Variants in HUWE1 observed in about 807,000 individuals in gnomAD.
The protein encoded by HUWE1 is E3 ubiquitin-protein ligase HUWE1.
In HUWE1, 18 loss-of-function variants were observed where a neutral mutation model predicts 299.4. The observed-to-expected ratio is 0.06, with a 90% CI of 0.04 to 0.09. The LOEUF is 0.09. Among genes scored for constraint, HUWE1 ranks in the 10% least tolerant of loss-of-function variants. The probability of loss-of-function intolerance (pLI) is 1.00; values close to 1 mark genes in which losing one functional copy is unlikely to be tolerated. For missense variants in HUWE1, 1,832 were observed against 3,462.3 expected (o/e 0.53, Z 11.82); for synonymous variants, 1,317 against 1,286.1 (o/e 1.02, Z -0.51).
intron 45 of HUWE1, 27 bp downstream of exon 45, chrX:53,575,616 G>A (rs782323178): frequency 2.5e-6 from 3 of 1,199,647 alleles, no homozygotes; most frequent in Non-Finnish European, 3.4e-6. Context: ...TGAGAAGAAA[G>A]ATAAAACGCT....
intron 18 of HUWE1, among the ~76,000 whole-genome samples, 190 bp from the exon 19 acceptor site, chrX:53,624,865 G>A (rs1569497411): frequency 9.0e-6 from 1 of 111,558 alleles, no homozygotes; most frequent in Non-Finnish European, 1.9e-5. Flanking sequence ...TCTAACACGG[G>A]TTAAAAAAAG....
rs781783730 is a variant in HUWE1, at chrX:53,558,609, C to T, written c.8160+46G>A. The T allele has an allele frequency of 1.2e-5, 14 of 1,154,578 alleles. No homozygotes were observed. The East Asian group carries it at 2.7e-4, about 22-fold the overall frequency. ...CCATGTGTATGCCAAAACCACATTA[C>T]GGCAGACACAGTCAAAGATGAATCC... On this transcript the variant is annotated intron_variant, in intron 59 of 83. Coordinates refer to ENST00000262854, the MANE Select transcript of HUWE1 (RefSeq NM_031407.7).
In HUWE1 at chrX:53,533,900, A is replaced by T. The variant is rs899445885; in HGVS notation, c.13022+107T>A. On this transcript the variant is annotated intron_variant, in intron 83 of 83. Coordinates refer to ENST00000262854, the MANE Select transcript of HUWE1 (RefSeq NM_031407.7). ...CCAAATTGTGAGTTACCCAAGGTCC[A>T]GGACTCAGCCACATTTGTGTTCCCA... The T allele has an allele frequency of 5.5e-5, 42 of 766,293 alleles. No individual in the cohort carries two copies. The African/African-American group carries it at 8.2e-4, about 15-fold the overall frequency. The allele number at this position is 766,293 out of a possible 1,213,427, so 63.2% of individuals were successfully genotyped here.
chrX:53,660,316 C>CT (rs2068936271), intron 3 of HUWE1, among the ~76,000 whole-genome samples: 1 of 111,999 alleles, frequency 8.9e-6, no homozygotes, highest in South Asian at 3.7e-4. Context: ...GCGCTAGACT[C>CT]TAAGTCCCAA....
At chrX:53,568,628 T>TC in intron 49 of HUWE1, 64 bp downstream of exon 49, 1 of 1,074,306 alleles carries the variant, frequency 9.3e-7, no homozygotes, top group Non-Finnish European at 1.3e-6. Flanking sequence ...ACCAGCTACC[T>TC]CCACATCATT....
rs1556930302 is a variant in HUWE1 at position 53,552,682 on chromosome X, G to C, written c.8706C>G (p.Gly2902=). The C allele has an allele frequency of 8.3e-7, 1 of 1,211,953 alleles. No homozygotes were observed. Residue 2902 remains glycine, a synonymous_variant, in exon 62 of 84, where the codon GGC becomes GGG. Transcript: ENST00000262854. ...CAGATTCCCCTGACCCATCACTCCT[G>C]CCTTGCACTTCCGCCACAGCTGGTG... ...DAPPAVAEVQ[G]RSDGSGESAQ...
At chrX:53,535,994 T>C in intron 80 of HUWE1, 153 bp downstream of exon 80, 1 of 463,521 alleles carries the variant, frequency 2.2e-6, no homozygotes, top group Non-Finnish European at 3.9e-6. Context: ...TTCCTGTTTG[T>C]GATGTCACTC....
At chrX:53,626,810 G>T (rs2066537302) in intron 17 of HUWE1, among the ~76,000 whole-genome samples, 1 of 111,408 alleles carries the variant, frequency 9.0e-6, no homozygotes, top group Admixed American at 9.5e-5. Flanking sequence ...GGGACCACAG[G>T]TGCATGCCAC....
intron 80 of HUWE1, 166 bp downstream of exon 80, chrX:53,535,981 G>T: frequency 2.9e-6 from 1 of 348,265 alleles, no homozygotes; most frequent in Non-Finnish European, 5.1e-6. Context: ...GCAAATTCTG[G>T]TTTTCCTGTT....
chrX:53,614,038 G>A (rs1188390671), intron 23 of HUWE1, among the ~76,000 whole-genome samples: 3 of 111,834 alleles, frequency 2.7e-5, no homozygotes, highest in African/African-American at 9.8e-5. Flanking sequence ...GCCGAGGTGG[G>A]TAGATCACCT....
intron 73 of HUWE1, 177 bp downstream of exon 73, chrX:53,543,663 CA>C (rs2061441783): frequency 1.4e-6 from 1 of 715,557 alleles, no homozygotes; most frequent in Non-Finnish European, 2.0e-6. Flanking sequence ...ATCAAACCAA[CA>C]AACCAATCAA....
intron 77 of HUWE1, among the ~76,000 whole-genome samples, chrX:53,538,034 G>A (rs1556914726): frequency 8.9e-6 from 1 of 111,859 alleles, no homozygotes. Flanking sequence ...TGCTGTGTGT[G>A]TTCTATGGCC....
chrX:53,610,648 G>T (rs1313741413), intron 23 of HUWE1, among the ~76,000 whole-genome samples: 1 of 111,667 alleles, frequency 9.0e-6, no homozygotes, highest in Non-Finnish European at 1.9e-5. Flanking sequence ...TGTATATGGG[G>T]TTTTTTGGGA....
At chrX:53,618,496 A>G (rs1439498521) in intron 19 of HUWE1, among the ~76,000 whole-genome samples, 1 of 111,563 alleles carries the variant, frequency 9.0e-6, no homozygotes, top group Non-Finnish European at 1.9e-5. Context: ...GTATAGTTTA[A>G]TAAGAAAATG....
chrX:53,654,411 T>C (rs2068650549), intron 3 of HUWE1, among the ~76,000 whole-genome samples: 2 of 112,019 alleles, frequency 1.8e-5, no homozygotes, highest in Admixed American at 1.9e-4. Flanking sequence ...TCTCAAACTC[T>C]TAATTGAAAA....
Position 53,558,548 on chromosome X carries a change from C to T in HUWE1, c.8160+107G>A, listed in dbSNP as rs781881342. ...GAAATAAAAAATTTCCCAGGTTCAA[C>T]GTGAACGTTCTAGGATTCTTCAGTG... On this transcript the variant is annotated intron_variant, in intron 59 of 83. Transcript: ENST00000262854. The T allele has an allele frequency of 7.4e-5, 60 of 816,300 alleles. No individual in the cohort carries two copies. In the East Asian group the frequency reaches 1.5e-3, roughly 21 times the overall value. The allele number at this position is 816,300 out of a possible 1,213,427, so 67.3% of individuals were successfully genotyped here.
intron 82 of HUWE1, 56 bp downstream of exon 82, chrX:53,534,460 C>G (rs1228967065): frequency 4.7e-6 from 5 of 1,054,754 alleles, no homozygotes; most frequent in Non-Finnish European, 5.2e-6. Flanking sequence ...ATCACACAAA[C>G]TAGCGTTGCC....
intron 67 of HUWE1, among the ~76,000 whole-genome samples, chrX:53,548,686 T>C (rs959069233): frequency 1.8e-5 from 2 of 112,408 alleles, no homozygotes; most frequent in African/African-American, 3.2e-5. Context: ...TAAGACAAAA[T>C]GAATAAAATG....
chrX:53,560,199 A>G lies in HUWE1; in HGVS notation c.7725T>C (p.Leu2575=). Residue 2575 remains leucine (L), a synonymous_variant, in exon 56 of 84, where the codon CTT becomes CTC. Coordinates refer to ENST00000262854, the MANE Select transcript of HUWE1 (RefSeq NM_031407.7). ...TCTCTGTAACTCACCTCTGCAGTATAAGAGGAGGGTTGGGCTGGCGATTCC... is the reference window on the plus strand; with the variant it reads ...TCTCTGTAACTCACCTCTGCAGTATGAGAGGAGGGTTGGGCTGGCGATTCC... ...YPGNRQPNPP[L]ILQRLLGPSA... 1 of 1,181,104 alleles carries G rather than the reference A, an allele frequency of 8.5e-7. No homozygotes were observed. The highest frequency in any genetic ancestry group is 1.1e-6 in the Non-Finnish European group (1 of 878,314).
Sources: allele counts gnomAD v4.1 joint callset (sites outside exome capture counted in the v4.1 genomes callset), GRCh38; gene constraint gnomAD v4.1.1; transcripts MANE v1.5; gene names NCBI Gene and HGNC (gene_info 2026-07-23, HGNC 2026-07-21).